CCDC191: variants seen among roughly 807,000 people sequenced by gnomAD.
CCDC191 encodes the protein coiled-coil domain-containing protein 191.
A neutral mutation model predicts 114.0 loss-of-function variants in CCDC191; 99 were observed. That is an observed-to-expected ratio of 0.87 (90% CI 0.74 to 1.03). The LOEUF is 1.03. Ranked by LOEUF, CCDC191 falls within the 50% of genes least tolerant of loss-of-function variation. The pLI is 0.00. For missense variants in CCDC191, 973 were observed against 1,087.0 expected, an observed-to-expected ratio of 0.90 and a Z score of 1.47; for synonymous variants, 351 against 376.0, an observed-to-expected ratio of 0.93 and a Z score of 0.77.
intron 4 of CCDC191, among the ~76,000 whole-genome samples, chr3:114,041,867 G>A (rs994105640): frequency 1.1e-4 from 16 of 151,718 alleles, no homozygotes; most frequent in East Asian, 1.9e-4. Context: ...CTTGTCTGAC[G>A]CTGGCTCTGT....
intron 9 of CCDC191, among the ~76,000 whole-genome samples, chr3:114,008,837 G>A (rs922735762): frequency 1.3e-5 from 2 of 152,078 alleles, no homozygotes; most frequent in Non-Finnish European, 2.9e-5. Flanking sequence ...TATATATACA[G>A]TCATGCATTG....
chr3:114,054,424 A>C (rs2076738104), intron 1 of CCDC191, among the ~76,000 whole-genome samples: 1 of 152,166 alleles, frequency 6.6e-6, no homozygotes, highest in Non-Finnish European at 1.5e-5. Flanking sequence ...CAAGGTCAAG[A>C]GATCAAGACC....
chr3:114,034,481 T>C lies in CCDC191; in HGVS notation c.818+444A>G, dbSNP rs1050463963. ...CCTGTGTCATTTAACTCAGAAATTA[T>C]GCTAAGAATTTATTCTAAGAATATA... On this transcript the variant is annotated intron_variant, in intron 6 of 16. Coordinates refer to ENST00000295878, the MANE Select transcript of CCDC191 (RefSeq NM_020817.2). 2.0e-5 allele frequency among the ~76,000 whole-genome samples: 3 copies of C among 152,310 alleles called. No homozygotes were observed. The South Asian group carries it at 6.2e-4, about 32-fold the overall frequency.
intron 4 of CCDC191, 36 bp downstream of exon 4, chr3:114,042,667 G>C (rs776324456): frequency 6.8e-7 from 1 of 1,476,368 alleles, no homozygotes; most frequent in Non-Finnish European, 9.0e-7. Context: ...ACATTCATTA[G>C]ATGTTAAAAC....
intron 11 of CCDC191, chr3:114,004,233 C>CTT: frequency 1.0e-6 from 1 of 984,644 alleles, no homozygotes; most frequent in South Asian, 4.7e-5. Flanking sequence ...TCTTGGATTA[C>CTT]TGTAAACTGA....
rs1031780972 is a variant in CCDC191, at chr3:114,036,735, A to C, written c.467T>G (p.Phe156Cys). 34 of 1,592,338 alleles carry C rather than the reference A, an allele frequency of 2.1e-5. No homozygotes were observed. Among genetic ancestry groups the C allele is most frequent in the Non-Finnish European group, 2.8e-5 (33 of 1,168,196 alleles). The part of the protein sequence containing the change: ...EEEESTTVQK[F>C]IDHLLHKNVV... ...ATTTTTATGGAGCAGATGGTCTATA[A>C]ATTTTTGAACGGTGGTACTTTCCTC... The change falls in exon 5 of 17, where the codon TTT (phenylalanine) becomes TGT (cysteine). Residue 156 changes from phenylalanine to cysteine, a missense_variant. Physicochemically the swap from Phe to Cys is radical, Grantham distance 205. Transcript: ENST00000295878.
chr3:114,031,902 G>C (rs1472401981), intron 6 of CCDC191, 123 bp from the exon 7 acceptor site: 9 of 572,080 alleles, frequency 1.6e-5, no homozygotes, highest in Non-Finnish European at 2.7e-5. Flanking sequence ...TTTAGATCTG[G>C]CTCTAAAACT....
At chr3:114,018,992 C>T in intron 7 of CCDC191, 124 bp from the exon 8 acceptor site, 2 of 820,556 alleles carry the variant, frequency 2.4e-6, no homozygotes, top group Middle Eastern at 3.1e-4. Context: ...GAACTGTTGT[C>T]TTAATGGAAA....
At chr3:113,966,359 A>G (rs1442479825) in intron 16 of CCDC191, among the ~76,000 whole-genome samples, 1 of 152,184 alleles carries the variant, frequency 6.6e-6, no homozygotes, top group African/African-American at 2.4e-5. Flanking sequence ...GCTGAACACT[A>G]GGGGCATCAA....
At chr3:114,033,388 T>C (rs1204100869) in intron 6 of CCDC191, among the ~76,000 whole-genome samples, 1 of 152,256 alleles carries the variant, frequency 6.6e-6, no homozygotes, top group Admixed American at 6.5e-5. Flanking sequence ...ATTATCTTTC[T>C]GCACAAATCT....
intron 13 of CCDC191, among the ~76,000 whole-genome samples, chr3:113,992,161 G>A (rs1179890854): frequency 6.6e-6 from 1 of 152,182 alleles, no homozygotes; most frequent in Non-Finnish European, 1.5e-5. Flanking sequence ...TGGACACACT[G>A]AAGAAGGTAA....
intron 15 of CCDC191, 135 bp from the exon 16 acceptor site, chr3:113,978,466 A>T: frequency 1.1e-6 from 1 of 880,380 alleles, no homozygotes; most frequent in Non-Finnish European, 1.7e-6. Context: ...GAAAAGGATA[A>T]CCTGGAAGCC....
At position 113,980,569 on chromosome 3, in the gene CCDC191, C is replaced by G. The variant is rs373250005; in HGVS notation, c.2307+81G>C. ...TGGCTTTAAATCACCAAACCCTACC[C>G]TCCCCCAAGCTTAACTGGGCATCCA... is the stretch of plus-strand genomic sequence containing the variant. On this transcript the variant is annotated intron_variant, in intron 14 of 16. Coordinates refer to ENST00000295878, the MANE Select transcript of CCDC191 (RefSeq NM_020817.2). The G allele has an allele frequency of 5.4e-6, 7 of 1,302,150 alleles. No homozygotes were observed. In the East Asian group the frequency reaches 1.1e-4, roughly 20 times the overall value. 80.7% of individuals were successfully genotyped at this position (1,302,150 alleles called of 1,614,324 possible).
chr3:113,966,559 GC>G (rs769610346), intron 16 of CCDC191, among the ~76,000 whole-genome samples: 10 of 152,324 alleles, frequency 6.6e-5, no homozygotes, highest in Non-Finnish European at 1.3e-4. Flanking sequence ...CTAGAGGAGA[GC>G]ACATCTTGAG....
intron 13 of CCDC191, among the ~76,000 whole-genome samples, chr3:113,993,143 C>A (rs939980148): frequency 9.9e-5 from 15 of 152,084 alleles, no homozygotes; most frequent in African/African-American, 3.6e-4. Context: ...GGCTGGGTCA[C>A]CCCTGTGACC....
At position 114,042,825 on chromosome 3, in the gene CCDC191, C is replaced by A; in HGVS notation, c.293G>T (p.Trp98Leu). 1 of 1,601,876 alleles carries A rather than the reference C, an allele frequency of 6.2e-7. No individual in the cohort carries two copies. The highest frequency in any genetic ancestry group is 1.1e-5 in the South Asian group (1 of 88,274). The change falls in exon 4 of 17, where the codon TGG becomes TTG. Residue 98 changes from tryptophan (W) to leucine (L), a missense_variant. Trp to Leu is a moderately conservative substitution (Grantham distance 61, BLOSUM62 -2). Coordinates refer to ENST00000295878, the MANE Select transcript of CCDC191 (RefSeq NM_020817.2). ...TTCTTGCTTAAGTTTGGTGTCTAACCAGTCATTGACCAGCTCCTGAGCTAC... is the reference window on the plus strand; with the variant it reads ...TTCTTGCTTAAGTTTGGTGTCTAACAAGTCATTGACCAGCTCCTGAGCTAC... ...YAEAQELVND[W>L]LDTKLKQELA... is the part of the protein sequence containing the mutation.
Position 113,965,228 on chromosome 3 carries a change from G to C in CCDC191, c.2738C>G (p.Pro913Arg). ...CTGATATAGCTCGTGGTACCTTCCA[G>C]GTACCTGGAAGTCTGGAAGAATTTC... The part of the protein sequence containing the change: ...VVEILPDFQV[P>R]GRYHELYQQS... Residue 913 changes from proline (P) to arginine (R), a missense_variant, in exon 17 of 17, where the codon CCT becomes CGT. By Grantham distance (103) the Pro-to-Arg change is moderately radical. Coordinates refer to ENST00000295878, the MANE Select transcript of CCDC191 (RefSeq NM_020817.2). 6.2e-7 allele frequency: 1 copy of C among 1,612,100 alleles called. No individual in the cohort carries two copies. The highest frequency in any genetic ancestry group is 2.2e-5 in the East Asian group (1 of 44,786).
chr3:114,006,589 TA>T (rs2075964670), intron 9 of CCDC191, among the ~76,000 whole-genome samples: 1 of 72,780 alleles, frequency 1.4e-5, no homozygotes, highest in Admixed American at 1.7e-4. Context: ...TTACTCCAGA[TA>T]TATATATATA....
intron 14 of CCDC191, among the ~76,000 whole-genome samples, chr3:113,980,367 T>C (rs1247639415): frequency 5.3e-5 from 8 of 152,180 alleles, no homozygotes; most frequent in African/African-American, 1.9e-4. Flanking sequence ...GTAATAACTT[T>C]TCCCTTACTC....
Sources: gnomAD v4.1 joint callset for allele counts (sites outside exome capture counted in the v4.1 genomes callset) on GRCh38, gnomAD v4.1.1 for gene constraint, MANE v1.5 for transcripts, NCBI Gene and HGNC (gene_info 2026-07-23, HGNC 2026-07-21) for gene names.